Variants in ACP6 observed in about 807,000 individuals in gnomAD.
The protein encoded by ACP6 is lysophosphatidic acid phosphatase type 6.
ACP6 carries 48 observed loss-of-function variants against 48.1 expected under a neutral mutation model. The observed-to-expected ratio is 1.00, with a 90% CI of 0.79 to 1.27. The LOEUF (loss-of-function observed/expected upper bound fraction) is 1.27, where lower values mean the gene tolerates loss of function less well. Among genes scored for constraint, ACP6 ranks in the 50% most tolerant of loss-of-function variants. The probability of loss-of-function intolerance (pLI) is 0.00; values close to 1 mark genes in which losing one functional copy is unlikely to be tolerated. For missense variants in ACP6, 485 were observed against 529.1 expected (o/e 0.92, Z 0.82); for synonymous variants, 172 against 204.2 (o/e 0.84, Z 1.34).
rs984197919 is a variant in ACP6, at chr1:147,670,204, G to T, written c.-156C>A. ...CAAGCAGGGACCGCTGTGCCTCCCGGCCCTGAGGGAGACCCCGAGTGGGAA... is the reference window on the plus strand; with the variant it reads ...CAAGCAGGGACCGCTGTGCCTCCCGTCCCTGAGGGAGACCCCGAGTGGGAA... On this transcript the variant is annotated 5_prime_UTR_variant, in exon 1 of 10. Coordinates refer to ENST00000583509, the MANE Select transcript of ACP6 (RefSeq NM_016361.5). 1 of 662,634 alleles carries T rather than the reference G, an allele frequency of 1.5e-6. No individual in the cohort carries two copies. Among genetic ancestry groups the T allele is most frequent in the Non-Finnish European group, 2.5e-6 (1 of 401,858 alleles). 41.0% of individuals were successfully genotyped at this position (662,634 alleles called of 1,614,324 possible). A position where few individuals can be genotyped will look rare whatever the true frequency, so the allele number is the denominator to read the frequency against.
chr1:147,654,366 G>A (rs1181775021), intron 5 of ACP6, 40 bp from the exon 6 acceptor site: 1 of 1,603,904 alleles, frequency 6.2e-7, no homozygotes. Flanking sequence ...ATTCTATAGT[G>A]ATTAACAGTT....
chr1:147,642,223 A>C (rs1251027635), downstream of ACP6: 1 of 152,182 alleles, frequency 6.6e-6, no homozygotes, highest in Non-Finnish European at 1.5e-5. Context: ...GGGTGCCAAC[A>C]GAAGAGTTAA....
chr1:147,667,988 C>A (rs1660889421), intron 1 of ACP6, among the ~76,000 whole-genome samples: 4 of 148,726 alleles, frequency 2.7e-5, no homozygotes, highest in Non-Finnish European at 4.5e-5. Context: ...GATTCTGTCT[C>A]AAAAAAAAAA....
rs1553214466 is a variant in ACP6 at position 147,670,067 on chromosome 1, C to A, written c.-19G>T. 1 of 1,483,896 alleles carries A rather than the reference C, an allele frequency of 6.7e-7. No homozygotes were observed. The highest frequency in any genetic ancestry group is 1.2e-5 in the South Asian group (1 of 80,212). 91.9% of individuals were successfully genotyped at this position (1,483,896 alleles called of 1,614,324 possible). On this transcript the variant is annotated 5_prime_UTR_variant, in exon 1 of 10. Transcript: ENST00000583509. The stretch of plus-strand genomic sequence containing the variant: ...TGATCATGGTGGTAGGCCCTCGCTG[C>A]CCTCCGGGTTGAGGCTGCAGGAGGC...
chr1:147,669,796 G>A (rs587641276), intron 1 of ACP6, 34 bp downstream of exon 1: 9 of 1,532,828 alleles, frequency 5.9e-6, no homozygotes, highest in Middle Eastern at 2.3e-4. Context: ...CACGGTCCTC[G>A]CCCCACCAGC....
chr1:147,650,785 C>T (rs1659880793), intron 7 of ACP6: 1 of 152,254 alleles, frequency 6.6e-6, no homozygotes, highest in Non-Finnish European at 1.5e-5. Flanking sequence ...GTGGCTCCAC[C>T]ACTTTCATTC....
At chr1:147,635,067 C>T (rs1278253604) in intron 5 of ACP6, among the ~76,000 whole-genome samples, 1 of 152,216 alleles carries the variant, frequency 6.6e-6, no homozygotes, top group Non-Finnish European at 1.5e-5. Flanking sequence ...GACCAAGGAG[C>T]TCTCCAGTCC....
At chr1:147,659,595 A>T (rs3818888) in intron 2 of ACP6, 52 bp downstream of exon 2, 1 of 1,613,512 alleles carries the variant, frequency 6.2e-7, no homozygotes, top group Non-Finnish European at 8.5e-7. Context: ...GCCCAGAGAA[A>T]ACAACCCAAC....
At chr1:147,667,747 T>C (rs1553213878) in intron 1 of ACP6, among the ~76,000 whole-genome samples, 3 of 151,906 alleles carry the variant, frequency 2.0e-5, no homozygotes, top group Admixed American at 6.6e-5. Flanking sequence ...TCCCAGCACT[T>C]TGGGAGACTT....
At chr1:147,656,715 A>G (rs1570966181) in intron 4 of ACP6, among the ~76,000 whole-genome samples, 1 of 152,226 alleles carries the variant, frequency 6.6e-6, no homozygotes, top group East Asian at 1.9e-4. Flanking sequence ...GGGTTACTAC[A>G]AGAATTAAAC....
intron 1 of ACP6, among the ~76,000 whole-genome samples, chr1:147,663,380 T>G (rs1202212801): frequency 1.3e-5 from 2 of 152,182 alleles, no homozygotes; most frequent in Non-Finnish European, 2.9e-5. Flanking sequence ...TAGTGATCTA[T>G]TGTACAGGAT....
In ACP6 at chr1:147,654,272, C is replaced by G; in HGVS notation, c.702G>C (p.Lys234Asn). ...LQPGISEDLK[K>N]VKDRMGIDSS... ...TGTCAATGCCCATCCTGTCCTTCACCTTTTTCAAATCCTCTGAGATTCCTG... is the reference window on the plus strand; with the variant it reads ...TGTCAATGCCCATCCTGTCCTTCACGTTTTTCAAATCCTCTGAGATTCCTG... Residue 234 changes from lysine to asparagine, a missense_variant, in exon 6 of 10, where the codon AAG (lysine) becomes AAC (asparagine). Physicochemically the swap from Lys to Asn is moderately conservative, Grantham distance 94. Transcript: ENST00000583509. The G allele has an allele frequency of 6.2e-7, 1 of 1,614,144 alleles. No homozygotes were observed. Among genetic ancestry groups the G allele is most frequent in the Non-Finnish European group, 8.5e-7 (1 of 1,180,028 alleles).
At chr1:147,657,535 C>A (rs782495809) in intron 4 of ACP6, among the ~76,000 whole-genome samples, 1 of 152,212 alleles carries the variant, frequency 6.6e-6, no homozygotes, top group African/African-American at 2.4e-5. Flanking sequence ...ATTCTCCTGC[C>A]TCAGCCTCCT....
exon 6 of ACP6, chr1:147,630,614 G>A (rs1398571004): frequency 6.6e-6 from 1 of 152,186 alleles, no homozygotes; most frequent in African/African-American, 2.4e-5. Context: ...CTAAGGCCAC[G>A]CTTTTGGCGG....
intron 5 of ACP6, among the ~76,000 whole-genome samples, chr1:147,635,991 G>C (rs1553207951): frequency 6.6e-6 from 1 of 152,212 alleles, no homozygotes; most frequent in East Asian, 1.9e-4. Context: ...GGGGTTGGGG[G>C]AGTGGCTTTC....
chr1:147,639,366 C>G (rs1421313448), downstream of ACP6, among the ~76,000 whole-genome samples: 1 of 152,196 alleles, frequency 6.6e-6, no homozygotes, highest in Non-Finnish European at 1.5e-5. Context: ...CCTTCCTGAT[C>G]TCTTCCATTC....
exon 6 of ACP6, chr1:147,629,939 G>A (rs1330968881): frequency 6.6e-6 from 1 of 152,164 alleles, no homozygotes; most frequent in Non-Finnish European, 1.5e-5. Context: ...AATCAATACT[G>A]TCAGAGGAAG....
intron 6 of ACP6, 43 bp from the exon 7 acceptor site, chr1:147,652,592 C>T (rs1570957722): frequency 6.2e-7 from 1 of 1,613,156 alleles, no homozygotes; most frequent in Non-Finnish European, 8.5e-7. Context: ...TGCTTCTTAC[C>T]TACTGATTCT....
Position 147,645,625 on chromosome 1 carries a change from T to C in ACP6, c.*1798A>G, listed in dbSNP as rs1207986006. ...TAGTAAGAAGAATGAAAACTGGCTA[T>C]TGGATTCACCACACAAAGGCTATTG... On this transcript the variant is annotated 3_prime_UTR_variant, in exon 10 of 10. Coordinates refer to ENST00000583509, the MANE Select transcript of ACP6 (RefSeq NM_016361.5). 1 of 152,232 alleles carries C rather than the reference T, an allele frequency of 6.6e-6. No individual in the cohort carries two copies. 9.4% of individuals were successfully genotyped at this position (152,232 alleles called of 1,614,324 possible).
Sources: gnomAD v4.1 joint callset for allele counts (sites outside exome capture counted in the v4.1 genomes callset) on GRCh38, gnomAD v4.1.1 for gene constraint, MANE v1.5 for transcripts, NCBI Gene and HGNC (gene_info 2026-07-23, HGNC 2026-07-21) for gene names.